NMNAT3: variants seen among roughly 807,000 people sequenced by gnomAD.
NMNAT3 encodes nicotinamide/nicotinic acid mononucleotide adenylyltransferase 3.
In NMNAT3, 21 loss-of-function variants were observed where a neutral mutation model predicts 24.8. The ratio of observed to expected loss-of-function variants is 0.85; its 90% CI spans 0.60 to 1.22. The LOEUF is 1.22. Among genes scored for constraint, NMNAT3 ranks in the 50% most tolerant of loss-of-function variants. The pLI, the probability that NMNAT3 is intolerant of heterozygous loss-of-function variation, is 0.00. For synonymous variants in NMNAT3, 136 were observed against 155.2 expected, an observed-to-expected ratio of 0.88 and a Z score of 0.92; for missense variants, 387 against 436.6, an observed-to-expected ratio of 0.89 and a Z score of 1.01.
Position 139,561,071 on chromosome 3 carries a change from T to C in NMNAT3, c.980A>G (p.Tyr327Cys). 1 of 1,614,014 alleles carries C rather than the reference T, an allele frequency of 6.2e-7. No individual in the cohort carries two copies. The highest frequency in any genetic ancestry group is 1.3e-5 in the African/African-American group (1 of 75,008). ...GCCTTTCCAGGTACTGCCCTTGGTGTAGAGGCCATGGTCCTTGATGTACGT... is the reference window on the plus strand; with the variant it reads ...GCCTTTCCAGGTACTGCCCTTGGTGCAGAGGCCATGGTCCTTGATGTACGT... Residue 327 changes from tyrosine to cysteine, a missense_variant, in exon 7 of 7, where the codon TAC becomes TGC. By Grantham distance (194) the Tyr-to-Cys change is radical (BLOSUM62 -2). Transcript: ENST00000643695.
At chr3:139,587,998 T>C (rs981029753) in intron 3 of NMNAT3, among the ~76,000 whole-genome samples, 5 of 152,184 alleles carry the variant, frequency 3.3e-5, no homozygotes, top group East Asian at 3.9e-4. Context: ...AGGCCCTGCA[T>C]TGAGAAATCA....
At chr3:139,582,554 A>C (rs1355878030) in intron 4 of NMNAT3, among the ~76,000 whole-genome samples, 1 of 141,962 alleles carries the variant, frequency 7.0e-6, no homozygotes, top group African/African-American at 2.6e-5. Flanking sequence ...AGGTGGGTGG[A>C]TCACTTGAAC....
rs975104290 is a variant in NMNAT3 at position 139,560,800 on chromosome 3, A to G, written c.*210T>C. ...CTGCCACACCATTTTAACTTCTTTG[A>G]TAAATGTCTATCCTTGTGATTTAGA... On this transcript the variant is annotated 3_prime_UTR_variant, in exon 7 of 7. Transcript: ENST00000643695. 1.8e-6 allele frequency: 1 copy of G among 555,490 alleles called. No homozygotes were observed. The allele number at this position is 555,490 out of a possible 1,614,324, so 34.4% of individuals were successfully genotyped here. A position where few individuals can be genotyped will look rare whatever the true frequency, so the allele number is the denominator to read the frequency against.
At chr3:139,658,869 T>C (rs2057328168) in intron 1 of NMNAT3, among the ~76,000 whole-genome samples, 1 of 133,454 alleles carries the variant, frequency 7.5e-6, no homozygotes, top group African/African-American at 2.9e-5. Flanking sequence ...CCAACCCCTC[T>C]CAACATATAG....
chr3:139,589,299 C>T (rs766309918), intron 3 of NMNAT3, among the ~76,000 whole-genome samples: 2 of 152,192 alleles, frequency 1.3e-5, no homozygotes, highest in Non-Finnish European at 2.9e-5. Context: ...TTTTCCCAGA[C>T]TAGAAGGACA....
intron 3 of NMNAT3, among the ~76,000 whole-genome samples, chr3:139,587,357 GCA>G (rs2053980518): frequency 6.6e-6 from 1 of 152,194 alleles, no homozygotes; most frequent in Non-Finnish European, 1.5e-5. Flanking sequence ...GGGAGCCAAG[GCA>G]CAGGTCCAGA....
intron 6 of NMNAT3, chr3:139,568,370 C>G (rs948587261): frequency 2.0e-5 from 3 of 152,042 alleles, no homozygotes; most frequent in Non-Finnish European, 4.4e-5. Flanking sequence ...TTAGTTATTT[C>G]TTGCCTTCTG....
At position 139,573,644 on chromosome 3, in the gene NMNAT3, C is replaced by G. The variant is rs776771233; in HGVS notation, c.612G>C (p.Gln204His). Residue 204 changes from glutamine to histidine, a missense_variant, in exon 6 of 7, where the codon CAG (glutamine) becomes CAC (histidine). Physicochemically the swap from Gln to His is conservative, Grantham distance 24. Coordinates refer to ENST00000643695, the MANE Select transcript of NMNAT3 (RefSeq NM_001320510.2). ...CCTTGCCATGGTCTGGGCCTTCCAT[C>G]TGGGGTGGAGATCTGAGCAGTTTGC... 2.5e-6 allele frequency: 4 copies of G among 1,606,558 alleles called. No individual in the cohort carries two copies. The African/African-American group carries it at 4.0e-5, about 16-fold the overall frequency.
At chr3:139,605,584 A>G (rs150181423) in intron 3 of NMNAT3, among the ~76,000 whole-genome samples, 640 of 152,254 alleles carry the variant, frequency 4.2e-3, no homozygotes, top group Non-Finnish European at 7.4e-3. Context: ...TGTGCTGTTT[A>G]CAGGGTTTAT....
chr3:139,569,531 A>C (rs947585514), intron 6 of NMNAT3: 5 of 152,138 alleles, frequency 3.3e-5, no homozygotes, highest in African/African-American at 1.2e-4. Context: ...CTTTTAGGGC[A>C]GGCCTGGTGG....
chr3:139,671,129 TAATAA>T (rs1469630530), intron 1 of NMNAT3, among the ~76,000 whole-genome samples: 30 of 152,338 alleles, frequency 2.0e-4, no homozygotes, highest in Middle Eastern at 3.4e-3. Flanking sequence ...GTTATAGGAA[TAATAA>T]AATAATATAG....
At chr3:139,594,232 G>A (rs1015579731) in intron 3 of NMNAT3, among the ~76,000 whole-genome samples, 1 of 152,220 alleles carries the variant, frequency 6.6e-6, no homozygotes, top group African/African-American at 2.4e-5. Flanking sequence ...TAAATTCCTC[G>A]ACACATACAC....
chr3:139,594,090 G>A (rs2054329603), intron 3 of NMNAT3, among the ~76,000 whole-genome samples: 1 of 151,964 alleles, frequency 6.6e-6, no homozygotes, highest in African/African-American at 2.4e-5. Flanking sequence ...AAAAAAGAGA[G>A]AATAATCAAA....
intron 3 of NMNAT3, among the ~76,000 whole-genome samples, chr3:139,605,711 T>G (rs999161279): frequency 6.6e-6 from 1 of 152,108 alleles, no homozygotes; most frequent in Non-Finnish European, 1.5e-5. Context: ...TTTGCCTGGC[T>G]TTGAAGTTTT....
intron 3 of NMNAT3, among the ~76,000 whole-genome samples, chr3:139,617,069 T>G (rs1490747816): frequency 1.3e-5 from 2 of 152,230 alleles, no homozygotes; most frequent in Non-Finnish European, 2.9e-5. Context: ...ACTTAAGAAG[T>G]ACCTCATCAT....
At chr3:139,619,626 AAGTAG>A (rs1253870441) in intron 3 of NMNAT3, among the ~76,000 whole-genome samples, 1 of 152,134 alleles carries the variant, frequency 6.6e-6, no homozygotes. Context: ...TCATTCTACA[AAGTAG>A]AGTACAAGCC....
At chr3:139,673,428 C>T (rs1294734280) in intron 1 of NMNAT3, among the ~76,000 whole-genome samples, 4 of 152,210 alleles carry the variant, frequency 2.6e-5, no homozygotes, top group Non-Finnish European at 5.9e-5. Context: ...ACCTTGGCAG[C>T]ATACACCACT....
At chr3:139,565,978 A>T (rs936867779) in intron 6 of NMNAT3, 1 of 152,236 alleles carries the variant, frequency 6.6e-6, no homozygotes, top group Non-Finnish European at 1.5e-5. Flanking sequence ...CAGTCCCACC[A>T]AAGTGTAAAA....
intron 2 of NMNAT3, chr3:139,636,474 G>A (rs778387706): frequency 2.0e-5 from 3 of 152,216 alleles, no homozygotes; most frequent in Non-Finnish European, 4.4e-5. Flanking sequence ...GCTGTCCTAT[G>A]TACTTCTCCC....
Sources: allele counts gnomAD v4.1 joint callset (sites outside exome capture counted in the v4.1 genomes callset), GRCh38; gene constraint gnomAD v4.1.1; transcripts MANE v1.5; gene names NCBI Gene and HGNC (gene_info 2026-07-23, HGNC 2026-07-21).